The following TSPAN15 variants were observed in gnomAD, a reference collection of about 807,000 sequenced individuals.
The protein encoded by TSPAN15 is tetraspanin 15, also known as tetraspanin-15.
TSPAN15 carries 20 observed loss-of-function variants against 34.5 expected under a neutral mutation model. That is an observed-to-expected ratio of 0.58 (90% confidence interval 0.41 to 0.84). The LOEUF (loss-of-function observed/expected upper bound fraction) is 0.84, where lower values mean the gene tolerates loss of function less well. Ranked by LOEUF, TSPAN15 falls within the 40% of genes least tolerant of loss-of-function variation. The pLI is 0.00. For missense variants in TSPAN15, 313 were observed against 386.1 expected (o/e 0.81, Z 1.59); for synonymous variants, 155 against 153.9 (o/e 1.01, Z -0.05).
chr10:69,536,207 A>G, the TSPAN15 span, among the ~76,000 whole-genome samples: 2 of 152,218 alleles, frequency 1.3e-5, no homozygotes, highest in Admixed American at 6.5e-5. Flanking sequence ...CCAGCCCCAG[A>G]TCAATTGCTA....
the TSPAN15 span, among the ~76,000 whole-genome samples, chr10:69,546,964 T>G: frequency 1.3e-5 from 2 of 151,732 alleles, no homozygotes; most frequent in Non-Finnish European, 2.9e-5. Flanking sequence ...GCCAACATGG[T>G]GAAACCTCAT....
At chr10:69,513,542 C>T in the TSPAN15 span, among the ~76,000 whole-genome samples, 6 of 152,222 alleles carry the variant, frequency 3.9e-5, no homozygotes, top group Non-Finnish European at 7.4e-5. Flanking sequence ...ATGGTGTTTT[C>T]CAAAAAGCAG....
chr10:69,494,122 G>A (rs1305643056), intron 3 of TSPAN15, among the ~76,000 whole-genome samples: 1 of 152,164 alleles, frequency 6.6e-6, no homozygotes, highest in Non-Finnish European at 1.5e-5. Flanking sequence ...GGTGTGCTGG[G>A]CAACCTCGGA....
Position 69,457,968 on chromosome 10 carries a change from C to T in TSPAN15, c.96+6278C>T, listed in dbSNP as rs140046559. Among the ~76,000 whole-genome samples, 17 of 152,308 alleles carry T rather than the reference C, an allele frequency of 1.1e-4. No homozygotes were observed. The East Asian group carries it at 3.3e-3, about 29-fold the overall frequency. On this transcript the variant is annotated intron_variant, in intron 1 of 7. Coordinates refer to ENST00000373290, the MANE Select transcript of TSPAN15 (RefSeq NM_012339.5). ...ATGAGAAGGGCTGTTAAAGACACCT[C>T]TAGTGCAGCCTTTTAAATTTACCGA...
At chr10:69,494,658 C>T (rs1218350077) in intron 3 of TSPAN15, 15 of 985,450 alleles carry the variant, frequency 1.5e-5, no homozygotes, top group South Asian at 4.7e-5. Flanking sequence ...AAGTAAGCCG[C>T]GATGGGGCCT....
chr10:69,542,151 T>C, the TSPAN15 span, among the ~76,000 whole-genome samples: 115 of 152,272 alleles, frequency 7.6e-4, no homozygotes, highest in Non-Finnish European at 1.2e-3. Context: ...TATTCAAATT[T>C]CCACAGATCT....
the TSPAN15 span, among the ~76,000 whole-genome samples, chr10:69,515,746 C>T: frequency 6.6e-6 from 1 of 152,174 alleles, no homozygotes; most frequent in Admixed American, 6.5e-5. Flanking sequence ...AGTCCTAAAG[C>T]CCAGGCAGAA....
At chr10:69,516,798 C>T in the TSPAN15 span, among the ~76,000 whole-genome samples, 831 of 152,310 alleles carry the variant, frequency 5.5e-3, 11 homozygotes, top group African/African-American at 0.019. Flanking sequence ...GTCTCCCCCA[C>T]TGAGGGGTGG....
the TSPAN15 span, among the ~76,000 whole-genome samples, chr10:69,513,065 GTTCTGGT>G: frequency 6.6e-6 from 1 of 152,196 alleles, no homozygotes; most frequent in Non-Finnish European, 1.5e-5. Context: ...GTGTATGAGA[GTTCTGGT>G]TTCCCTACAT....
chr10:69,512,217 T>A (rs1456167115), downstream of TSPAN15, among the ~76,000 whole-genome samples: 1 of 152,188 alleles, frequency 6.6e-6, no homozygotes, highest in Non-Finnish European at 1.5e-5. Flanking sequence ...GCCTCTTGTC[T>A]CACAAGGATG....
downstream of TSPAN15, among the ~76,000 whole-genome samples, chr10:69,508,455 AAAAAAAAAAAAAAAAG>A (rs1438972118): frequency 6.9e-6 from 1 of 144,880 alleles, no homozygotes; most frequent in Admixed American, 6.8e-5. Context: ...AAAAAAAAAA[AAAAAAAAAAAAAAAAG>A]AAGAAGAAAT....
chr10:69,483,916 G>A, intron 2 of TSPAN15, 40 bp downstream of exon 2: 1 of 1,585,778 alleles, frequency 6.3e-7, no homozygotes, highest in Non-Finnish European at 8.6e-7. Flanking sequence ...GACTCCCCAG[G>A]AGAGCTGGGG....
chr10:69,494,904 G>A (rs889539792), intron 3 of TSPAN15: 12 of 973,990 alleles, frequency 1.2e-5, no homozygotes, highest in East Asian at 1.1e-4. Context: ...CACAACAGCC[G>A]GGCTGTTGAT....
chr10:69,544,413 G>C, the TSPAN15 span, among the ~76,000 whole-genome samples: 1 of 152,110 alleles, frequency 6.6e-6, no homozygotes, highest in African/African-American at 2.4e-5. Context: ...TGGGATGGTG[G>C]GGTTAGCAAA....
At chr10:69,477,589 GGGCCCCGTTTCAAGAGCTTGCT>G (rs1841643396) in intron 1 of TSPAN15, among the ~76,000 whole-genome samples, 1 of 152,218 alleles carries the variant, frequency 6.6e-6, no homozygotes, top group African/African-American at 2.4e-5. Context: ...TCAGGCACCA[GGGCCCCGTTTCAAGAGCTTGCT>G]AGCCACACGT....
the TSPAN15 span, among the ~76,000 whole-genome samples, chr10:69,539,482 GAGA>G: frequency 0.027 from 1,784 of 66,842 alleles, 48 homozygotes; most frequent in Non-Finnish European, 0.035. Context: ...GAAGGAGAAG[GAGA>G]AGAAGAAGAA....
chr10:69,498,180 C>T, intron 4 of TSPAN15, 100 bp from the exon 5 acceptor site: 1 of 1,033,874 alleles, frequency 9.7e-7, no homozygotes, highest in Non-Finnish European at 1.5e-6. Flanking sequence ...GGGTGACCCA[C>T]ATAATAAACT....
chr10:69,542,086 A>G, the TSPAN15 span, among the ~76,000 whole-genome samples: 3 of 152,168 alleles, frequency 2.0e-5, 1 homozygote, highest in Admixed American at 1.3e-4. Context: ...CTTCCTCTTG[A>G]ACGCTTTGGT....
rs371948856 is a variant in TSPAN15, at chr10:69,483,805, G to T, written c.211G>T (p.Val71Phe). The stretch of plus-strand genomic sequence containing the variant: ...AGCCATCATCCTCATCCTCCTGGGC[G>T]TCGTCATGTTCATGGTCTCCTTCAT... ...APAIILILLG[V>F]VMFMVSFIGV... The change falls in exon 2 of 8, where the codon GTC (valine) becomes TTC (phenylalanine). Residue 71 changes from valine to phenylalanine, a missense_variant. Physicochemically the swap from Val to Phe is conservative, Grantham distance 50. Transcript: ENST00000373290. 15 of 1,614,178 alleles carry T rather than the reference G, an allele frequency of 9.3e-6. No individual in the cohort carries two copies. The South Asian group carries it at 1.5e-4, about 17-fold the overall frequency.
Sources: allele counts gnomAD v4.1 joint callset (sites outside exome capture counted in the v4.1 genomes callset), GRCh38; gene constraint gnomAD v4.1.1; transcripts MANE v1.5; gene names NCBI Gene and HGNC (gene_info 2026-07-23, HGNC 2026-07-21).